The following CFAP61 variants were observed in gnomAD, a reference collection of about 807,000 sequenced individuals.
The protein encoded by CFAP61 is cilia and flagella associated protein 61.
Under a neutral mutation model 135.6 loss-of-function variants are expected in CFAP61, and 107 were observed. The observed-to-expected ratio is 0.79, with a 90% CI of 0.67 to 0.93. The LOEUF (loss-of-function observed/expected upper bound fraction) is 0.93. Among genes scored for constraint, CFAP61 ranks in the 40% least tolerant of loss-of-function variants. The pLI is 0.00. For synonymous variants in CFAP61, 575 were observed against 578.5 expected (o/e 0.99, Z 0.09); for missense variants, 1,507 against 1,556.2 (o/e 0.97, Z 0.53).
intron 1 of CFAP61, among the ~76,000 whole-genome samples, chr20:20,054,412 T>TACACAC (rs759860912): frequency 8.1e-4 from 123 of 151,468 alleles, no homozygotes; most frequent in African/African-American, 2.6e-3. Flanking sequence ...TATATATATA[T>TACACAC]ATACACACAC....
At chr20:20,213,585 C>G (rs185760298) in intron 17 of CFAP61, among the ~76,000 whole-genome samples, 80 of 151,936 alleles carry the variant, frequency 5.3e-4, no homozygotes, top group Admixed American at 1.5e-3. Context: ...TTTGAAGGCT[C>G]TACTCAACAG....
intron 26 of CFAP61, among the ~76,000 whole-genome samples, chr20:20,346,898 A>G (rs1015077375): frequency 8.5e-5 from 13 of 152,244 alleles, no homozygotes; most frequent in Admixed American, 2.0e-4. Flanking sequence ...TAGCACTATA[A>G]GCCAAGTGGA....
At chr20:20,269,073 G>A (rs1370972339) in intron 21 of CFAP61, among the ~76,000 whole-genome samples, 2 of 143,892 alleles carry the variant, frequency 1.4e-5, no homozygotes. Flanking sequence ...TTATGCTTTG[G>A]CTTCTAAAAA....
chr20:20,285,930 A>C (rs561275421), intron 22 of CFAP61, among the ~76,000 whole-genome samples: 5,636 of 151,172 alleles, frequency 0.037, 396 homozygotes, highest in African/African-American at 0.13. Flanking sequence ...CAAAAAAAAA[A>C]AAAAACAAAA....
Position 20,154,357 on chromosome 20 carries a change from G to A in CFAP61, c.952-5013G>A, listed in dbSNP as rs550520788. Among the ~76,000 whole-genome samples, 5 of 152,102 alleles carry A rather than the reference G, an allele frequency of 3.3e-5. No homozygotes were observed. The South Asian group carries it at 1.0e-3, about 32-fold the overall frequency. On this transcript the variant is annotated intron_variant, in intron 9 of 26. Coordinates refer to ENST00000245957, the MANE Select transcript of CFAP61 (RefSeq NM_015585.4). Reference sequence around the variant, plus strand: ...CATAGTACTTAATGTCCTAGCCAGAGCAATTAGACAAAAGAAAGCAACAAA... The same window carrying A: ...CATAGTACTTAATGTCCTAGCCAGAACAATTAGACAAAAGAAAGCAACAAA...
chr20:20,188,102 A>G (rs1352200988), intron 14 of CFAP61, 46 bp downstream of exon 14: 1 of 1,606,224 alleles, frequency 6.2e-7, no homozygotes, highest in Non-Finnish European at 8.5e-7. Flanking sequence ...GACCATTATG[A>G]TGACCCATGT....
chr20:20,086,342 G>C (rs1236627794), intron 6 of CFAP61, among the ~76,000 whole-genome samples: 10 of 117,084 alleles, frequency 8.5e-5, no homozygotes, highest in African/African-American at 3.4e-4. Context: ...ACAGTCCCTG[G>C]AGTGTGATGT....
intron 8 of CFAP61, among the ~76,000 whole-genome samples, chr20:20,109,211 T>C (rs533178668): frequency 6.6e-6 from 1 of 152,348 alleles, no homozygotes; most frequent in African/African-American, 2.4e-5. Flanking sequence ...GTCACTTTGA[T>C]CACTTGACTA....
intron 25 of CFAP61, among the ~76,000 whole-genome samples, chr20:20,341,055 A>C (rs369848844): frequency 6.6e-6 from 1 of 152,138 alleles, no homozygotes; most frequent in East Asian, 1.9e-4. Flanking sequence ...CCCTGTGCGC[A>C]CACACAACAT....
At position 20,320,382 on chromosome 20, in the gene CFAP61, TG is replaced by T. The variant is rs2057400507; in HGVS notation, c.3423-21448del. ...ATATATGTAATATATATTATATATATGTAATATATATAATATATGTAATATA... is the reference window on the plus strand; with the variant it reads ...ATATATGTAATATATATTATATATATTAATATATATAATATATGTAATATA... On this transcript the variant is annotated intron_variant, in intron 25 of 26. Transcript: ENST00000245957. Among the ~76,000 whole-genome samples the T allele has an allele frequency of 5.7e-3, 222 of 38,912 alleles. 14 individuals are homozygous for T. Among genetic ancestry groups the T allele is most frequent in the African/African-American group, 0.022 (139 of 6,460 alleles). The allele number at this position is 38,912 out of a possible 152,430, so 25.5% of individuals were successfully genotyped here.
At chr20:20,354,580 G>A (rs954359263) in intron 26 of CFAP61, among the ~76,000 whole-genome samples, 2 of 151,952 alleles carry the variant, frequency 1.3e-5, no homozygotes, top group African/African-American at 4.8e-5. Context: ...TAAAGAAGTT[G>A]AATTCATAAG....
chr20:20,349,334 A>G (rs934669558), intron 26 of CFAP61, among the ~76,000 whole-genome samples: 13 of 152,186 alleles, frequency 8.5e-5, no homozygotes, highest in African/African-American at 2.9e-4. Context: ...TCCAGTCATG[A>G]TGGAAGGTGA....
At chr20:20,236,910 G>A (rs946239130) in intron 18 of CFAP61, among the ~76,000 whole-genome samples, 2 of 152,134 alleles carry the variant, frequency 1.3e-5, no homozygotes, top group African/African-American at 4.8e-5. Flanking sequence ...TATGTGCTCA[G>A]TATATATAAA....
rs537803241 is a variant in CFAP61 at position 20,346,393 on chromosome 20, C to T, written c.3513+4472C>T. ...ACTAGCTGGGCATGGTGGTGGGCGG[C>T]TGTAGTCCCAGCTACCCGGGAGGCT... On this transcript the variant is annotated intron_variant, in intron 26 of 26. Coordinates refer to ENST00000245957, the MANE Select transcript of CFAP61 (RefSeq NM_015585.4). 1.4e-4 allele frequency among the ~76,000 whole-genome samples: 21 copies of T among 151,320 alleles called. No homozygotes were observed. In the South Asian group the frequency reaches 4.4e-3, roughly 32 times the overall value.
intron 15 of CFAP61, among the ~76,000 whole-genome samples, chr20:20,192,247 C>T (rs993889919): frequency 3.3e-5 from 5 of 152,040 alleles, no homozygotes; most frequent in African/African-American, 9.7e-5. Flanking sequence ...TCTTCAAAAA[C>T]GTCTTGTGGC....
intron 8 of CFAP61, among the ~76,000 whole-genome samples, chr20:20,101,614 T>C (rs1007121505): frequency 5.4e-5 from 8 of 147,820 alleles, no homozygotes; most frequent in Non-Finnish European, 1.0e-4. Flanking sequence ...TTTATTTTTA[T>C]TTTTTATTTT....
intron 15 of CFAP61, among the ~76,000 whole-genome samples, chr20:20,193,694 G>A (rs2056085536): frequency 6.6e-6 from 1 of 152,026 alleles, no homozygotes; most frequent in African/African-American, 2.4e-5. Flanking sequence ...GCTCACTGCA[G>A]CCTCTGCCTC....
At chr20:20,190,286 G>A (rs2055827939) in intron 14 of CFAP61, among the ~76,000 whole-genome samples, 1 of 152,202 alleles carries the variant, frequency 6.6e-6, no homozygotes, top group South Asian at 2.1e-4. Context: ...TGAAAGGAAT[G>A]AACTCTTGAT....
At chr20:20,304,967 T>G (rs1365295950) in intron 25 of CFAP61, among the ~76,000 whole-genome samples, 1 of 152,208 alleles carries the variant, frequency 6.6e-6, no homozygotes, top group East Asian at 1.9e-4. Context: ...CTGTGCATCC[T>G]TTATCCTCGT....
Sources: allele counts gnomAD v4.1 joint callset (sites outside exome capture counted in the v4.1 genomes callset), GRCh38; gene constraint gnomAD v4.1.1; transcripts MANE v1.5; gene names NCBI Gene and HGNC (gene_info 2026-07-23, HGNC 2026-07-21).